The following SHH variants were observed in gnomAD, a reference collection of about 807,000 sequenced individuals.
The protein encoded by SHH is sonic hedgehog protein.
Under a neutral mutation model 16.6 loss-of-function variants are expected in SHH, and 3 were observed. The observed-to-expected ratio is 0.18, with a 90% confidence interval of 0.08 to 0.47. SHH has a LOEUF of 0.47. SHH is among the 20% of genes least tolerant of loss of function. The pLI is 0.98. For missense variants in SHH, 499 were observed against 665.0 expected (o/e 0.75, Z 2.75); for synonymous variants, 351 against 316.2 (o/e 1.11, Z -1.17).
At chr7:155,811,516 C>T (rs1480756657) in intron 1 of SHH, among the ~76,000 whole-genome samples, 1 of 152,206 alleles carries the variant, frequency 6.6e-6, no homozygotes, top group African/African-American at 2.4e-5. Context: ...CCCCAAGTTA[C>T]AAGCCAGGGC....
At chr7:155,805,774 T>C (rs919701184) in intron 2 of SHH, among the ~76,000 whole-genome samples, 1 of 152,158 alleles carries the variant, frequency 6.6e-6, no homozygotes, top group Non-Finnish European at 1.5e-5. Flanking sequence ...TGGTTGCCCC[T>C]GGGTTTACTG....
In SHH at chr7:155,803,506, G is replaced by C; in HGVS notation, c.783C>G (p.Arg261=). The part of the protein sequence containing the change: ...VFYVIETREP[R]ERLLLTAAHL... ...GCGCGGCGGTGAGCAGCAGGCGCTC[G>C]CGCGGCTCCCGCGTCTCGATCACGT... The change falls in exon 3 of 3, where the codon CGC becomes CGG. Residue 261 remains arginine, a synonymous_variant. Coordinates refer to ENST00000297261, the MANE Select transcript of SHH (RefSeq NM_000193.4). 1 of 1,577,354 alleles carries C rather than the reference G, an allele frequency of 6.3e-7. No individual in the cohort carries two copies. Among genetic ancestry groups the C allele is most frequent in the Non-Finnish European group, 8.6e-7 (1 of 1,166,722 alleles).
In SHH at chr7:155,802,128, G is replaced by GTGTA. The variant is rs1429254322; in HGVS notation, c.*768_*771dup. The GTGTA allele has an allele frequency of 1.3e-5, 2 of 149,898 alleles. No individual in the cohort carries two copies. The highest frequency in any genetic ancestry group is 3.0e-5 in the Non-Finnish European group (2 of 67,726). The allele number at this position is 149,898 out of a possible 1,614,324, so 9.3% of individuals were successfully genotyped here. On this transcript the variant is annotated 3_prime_UTR_variant, in exon 3 of 3. Transcript: ENST00000297261. ...AAAGAAAAGAAAAAGAAAAGTGTGT[G>GTGTA]TGTATGTTGTGTGTGTAACAGTCTT...
chr7:155,803,294 A>T lies in SHH; in HGVS notation c.995T>A (p.Val332Glu). 1 of 1,490,206 alleles carries T rather than the reference A, an allele frequency of 6.7e-7. No homozygotes were observed. Among genetic ancestry groups the T allele is most frequent in the South Asian group, 1.3e-5 (1 of 78,802 alleles). The allele number at this position is 1,490,206 out of a possible 1,614,324, so 92.3% of individuals were successfully genotyped here. A position where few individuals can be genotyped will look rare whatever the true frequency, so the allele number is the denominator to read the frequency against. The change falls in exon 3 of 3, where the codon GTG becomes GAG. Residue 332 changes from valine to glutamate, a missense_variant. By Grantham distance (121) the Val-to-Glu change is moderately radical (BLOSUM62 -2). Around this residue, in one of 4 missense-constraint regions of SHH, gnomAD observed 299 missense variants for 301.1 expected, o/e 0.99. Transcript: ENST00000297261. ...DGDRRLLPAA[V>E]HSVTLSEEAA... ...CTCCTCGCTTAGGGTCACGCTGTGC[A>T]CAGCGGCGGGCAGGAGCCGGCGGTC...
At chr7:155,810,276 G>GC (rs1226368543) in intron 1 of SHH, among the ~76,000 whole-genome samples, 1 of 152,028 alleles carries the variant, frequency 6.6e-6, no homozygotes, top group Non-Finnish European at 1.5e-5. Context: ...GCAGAGCAGG[G>GC]CAGAAGCTGA....
In SHH at chr7:155,809,640, G is replaced by C. The variant is rs1359252437; in HGVS notation, c.300+2183C>G. 6.6e-6 allele frequency among the ~76,000 whole-genome samples: 1 copy of C among 152,160 alleles called. No individual in the cohort carries two copies. Among genetic ancestry groups the C allele is most frequent in the Non-Finnish European group, 1.5e-5 (1 of 68,028 alleles). On this transcript the variant is annotated intron_variant, in intron 1 of 2. Coordinates refer to ENST00000297261, the MANE Select transcript of SHH (RefSeq NM_000193.4). The surrounding 1 kb of genome is among the most constrained non-coding windows in gnomAD (Gnocchi z 6.1). ...TCCTCACCCAACCCCCACTTGGGCCGTCCTTCCCCCTCCTTTTGTGTTGGG... is the reference window on the plus strand; with the variant it reads ...TCCTCACCCAACCCCCACTTGGGCCCTCCTTCCCCCTCCTTTTGTGTTGGG...
At chr7:155,803,814 G>T in intron 2 of SHH, 88 bp from the exon 3 acceptor site, 2 of 1,209,810 alleles carry the variant, frequency 1.7e-6, no homozygotes, top group Non-Finnish European at 2.4e-6. Context: ...CGCACGCTTG[G>T]TGCCCGCGCT....
Position 155,811,958 on chromosome 7 carries a change from G to T in SHH, c.165C>A (p.Thr55=), listed in dbSNP as rs1457485063. 1 of 1,614,034 alleles carries T rather than the reference G, an allele frequency of 6.2e-7. No individual in the cohort carries two copies. The highest frequency in any genetic ancestry group is 8.5e-7 in the Non-Finnish European group (1 of 1,180,044). Residue 55 remains threonine, a synonymous_variant, in exon 1 of 3, where the codon ACC becomes ACA. Transcript: ENST00000297261. The stretch of plus-strand genomic sequence containing the variant: ...CTTCATACCTTCCGCTGGCGCCTAG[G>T]GTCTTCTCGGCCACATTGGGGATAA... ...KQFIPNVAEK[T]LGASGRYEGK...
intron 1 of SHH, among the ~76,000 whole-genome samples, chr7:155,810,542 G>A (rs1315312958): frequency 1.3e-5 from 2 of 152,260 alleles, no homozygotes; most frequent in Non-Finnish European, 2.9e-5. Context: ...CACACTCGCG[G>A]TCCAGATTTA....
intron 2 of SHH, 79 bp from the exon 3 acceptor site, chr7:155,803,805 G>A (rs1803271642): frequency 3.1e-6 from 4 of 1,282,868 alleles, no homozygotes; most frequent in Non-Finnish European, 4.4e-6. Flanking sequence ...GGAGGAGGGC[G>A]CACGCTTGGT....
At chr7:155,804,852 G>C (rs577090703) in intron 2 of SHH, among the ~76,000 whole-genome samples, 1 of 152,244 alleles carries the variant, frequency 6.6e-6, no homozygotes, top group South Asian at 2.1e-4. Context: ...TTTGCAAATA[G>C]AGATTGCCAG....
chr7:155,809,133 G>A lies in SHH; in HGVS notation c.301-2576C>T. 6.6e-6 allele frequency: 1 copy of A among 152,422 alleles called. No homozygotes were observed. The allele number at this position is 152,422 out of a possible 1,614,324, so 9.4% of individuals were successfully genotyped here. ...CCCTGGCCGCCAGCACCCTCGCCTG[G>A]CACCTAGGCCCGCGCGGGGAGAGCG... On this transcript the variant is annotated intron_variant, in intron 1 of 2. Transcript: ENST00000297261. This position sits in a 1 kb window ranked among gnomAD's most constrained non-coding sequence, Gnocchi z 6.1.
Position 155,803,438 on chromosome 7 carries a change from TC to T in SHH, c.850del (p.Glu284SerfsTer52). 1.3e-6 allele frequency: 2 copies of T among 1,537,472 alleles called. No individual in the cohort carries two copies. On this transcript the variant is annotated frameshift_variant, in exon 3 of 3. Coordinates refer to ENST00000297261, the MANE Select transcript of SHH (RefSeq NM_000193.4). LOFTEE classifies it low-confidence loss of function (END_TRUNC). ...VAPHNDSATG[E>X]PEASSGSGPP... ...CCCCGAGCCCGAGGACGCCTCGGGC[TC>T]CCCGGTGGCCGAGTCGTTGTGCGGC...
Position 155,803,236 on chromosome 7 carries a change from C to A in SHH, c.1053G>T (p.Gln351His). The change falls in exon 3 of 3, where the codon CAG becomes CAT. Residue 351 changes from glutamine (Q) to histidine (H), a missense_variant. Physicochemically the swap from Gln to His is conservative, Grantham distance 24. Coordinates refer to ENST00000297261, the MANE Select transcript of SHH (RefSeq NM_000193.4). ...AAGAYAPLTA[Q>H]GTILINRVLA... ...GCACCCGGTTGATGAGAATGGTGCC[C>A]TGGGCCGTGAGCGGCGCGTAGGCGC... 6.6e-7 allele frequency: 1 copy of A among 1,520,330 alleles called. No individual in the cohort carries two copies. The highest frequency in any genetic ancestry group is 8.8e-7 in the Non-Finnish European group (1 of 1,141,350). 94.2% of individuals were successfully genotyped at this position (1,520,330 alleles called of 1,614,324 possible). A position where few individuals can be genotyped will look rare whatever the true frequency, so the allele number is the denominator to read the frequency against.
intron 2 of SHH, 59 bp downstream of exon 2, chr7:155,806,237 A>C: frequency 1.2e-6 from 2 of 1,608,510 alleles, no homozygotes; most frequent in Non-Finnish European, 1.7e-6. Flanking sequence ...TCTTGAATCA[A>C]GCCGAGGTGC....
chr7:155,803,464 C>G lies in SHH; in HGVS notation c.825G>C (p.Ala275=). 1 of 1,553,536 alleles carries G rather than the reference C, an allele frequency of 6.4e-7. No homozygotes were observed. The highest frequency in any genetic ancestry group is 8.7e-7 in the Non-Finnish European group (1 of 1,154,162). Residue 275 remains alanine, a synonymous_variant, in exon 3 of 3, where the codon GCG becomes GCC. Transcript: ENST00000297261. ...CCCCGGTGGCCGAGTCGTTGTGCGG[C>G]GCCACAAAGAGCAGGTGCGCGGCGG... ...LLTAAHLLFV[A]PHNDSATGEP...
intron 2 of SHH, among the ~76,000 whole-genome samples, chr7:155,804,992 C>T (rs1466912530): frequency 6.6e-6 from 1 of 152,232 alleles, no homozygotes; most frequent in Non-Finnish European, 1.5e-5. Flanking sequence ...GCTGGCGAGC[C>T]CGAGTCGTCG....
rs190329358 is a variant in SHH, at chr7:155,801,392, T to G, written c.*1508A>C. On this transcript the variant is annotated 3_prime_UTR_variant, in exon 3 of 3. Transcript: ENST00000297261. ...ACAACAGGACCTCAGAAAGCAGCAA[T>G]GAGCCTCCTCCCTACAGATCAGAGA... The G allele has an allele frequency of 4.6e-5, 7 of 152,434 alleles. No individual in the cohort carries two copies. Among genetic ancestry groups the G allele is most frequent in the Admixed American group, 4.6e-4 (7 of 15,304 alleles). 9.4% of individuals were successfully genotyped at this position (152,434 alleles called of 1,614,324 possible). A position where few individuals can be genotyped will look rare whatever the true frequency, so the allele number is the denominator to read the frequency against.
intron 2 of SHH, among the ~76,000 whole-genome samples, chr7:155,804,931 G>C (rs905525662): frequency 1.3e-5 from 2 of 152,248 alleles, no homozygotes; most frequent in African/African-American, 4.8e-5. Context: ...CATGAAGTGC[G>C]GGGCTGGCCG....
Sources: gnomAD v4.1 joint callset for allele counts (sites outside exome capture counted in the v4.1 genomes callset) on GRCh38, gnomAD v4.1.1 for gene constraint, gnomAD v4.1.1 regional missense constraint, Gnocchi (gnomAD v3.1) non-coding constraint, MANE v1.5 for transcripts, NCBI Gene and HGNC (gene_info 2026-07-23, HGNC 2026-07-21) for gene names.